The following NLGN1 variants were observed in gnomAD, a reference collection of about 807,000 sequenced individuals.
The protein encoded by NLGN1 is neuroligin-1.
NLGN1 carries 12 observed loss-of-function variants against 65.5 expected under a neutral mutation model. That is an observed-to-expected ratio of 0.18 (90% CI 0.12 to 0.30). NLGN1 has a LOEUF of 0.30. Ranked by LOEUF, NLGN1 falls within the 10% of genes least tolerant of loss-of-function variation. The probability of loss-of-function intolerance (pLI) is 1.00; values close to 1 mark genes in which losing one functional copy is unlikely to be tolerated. For synonymous variants in NLGN1, 350 were observed against 359.5 expected (o/e 0.97, Z 0.30); for missense variants, 750 against 1,007.1 (o/e 0.74, Z 3.46).
intron 2 of NLGN1, among the ~76,000 whole-genome samples, chr3:173,556,158 G>A (rs967213361): frequency 1.3e-5 from 2 of 151,944 alleles, no homozygotes; most frequent in East Asian, 1.9e-4. Context: ...TTTCATTCAT[G>A]ACATGCCTAA....
rs771130143 is a variant in NLGN1, at chr3:174,279,061, A to G, written c.1060A>G (p.Ile354Val). The change falls in exon 6 of 7, where the codon ATA becomes GTA. Residue 354 changes from isoleucine to valine, a missense_variant. Ile to Val is a conservative substitution (Grantham distance 29). Transcript: ENST00000457714. This position sits in a 1 kb window ranked among gnomAD's most constrained non-coding sequence, Gnocchi z 4.7. ...AGATATTCAACCAGCTCGATACCAC[A>G]TAGCCTTTGGACCTGTGATTGATGG... 12 of 1,612,884 alleles carry G rather than the reference A, an allele frequency of 7.4e-6. No homozygotes were observed. Among genetic ancestry groups the G allele is most frequent in the African/African-American group, 4.0e-5 (3 of 74,824 alleles).
intron 1 of NLGN1, among the ~76,000 whole-genome samples, chr3:173,418,047 TTATG>T (rs1419897834): frequency 2.6e-5 from 4 of 151,392 alleles, no homozygotes; most frequent in Non-Finnish European, 4.4e-5. Flanking sequence ...TTTTATTTGT[TTATG>T]TGTGTGTGCA....
At chr3:173,610,662 AT>A (rs1347956456) in intron 3 of NLGN1, among the ~76,000 whole-genome samples, 1 of 151,766 alleles carries the variant, frequency 6.6e-6, no homozygotes. Flanking sequence ...GTAAACCAAG[AT>A]TTTTTTTGTT....
chr3:173,400,278 G>A (rs1553837792), intron 1 of NLGN1, among the ~76,000 whole-genome samples: 1 of 152,022 alleles, frequency 6.6e-6, no homozygotes, highest in Non-Finnish European at 1.5e-5. Context: ...CTGAAATATA[G>A]GTATGATCTT....
At chr3:173,810,403 A>AC (rs2150467408) in intron 4 of NLGN1, among the ~76,000 whole-genome samples, 1 of 152,300 alleles carries the variant, frequency 6.6e-6, no homozygotes, top group Admixed American at 6.5e-5. Flanking sequence ...TTAAGTAGGA[A>AC]ATAAGATATG....
intron 4 of NLGN1, among the ~76,000 whole-genome samples, chr3:174,017,230 A>T (rs1726761640): frequency 6.6e-6 from 1 of 151,734 alleles, no homozygotes; most frequent in Non-Finnish European, 1.5e-5. Context: ...TTGTTTATTC[A>T]CTCTTCTTTT....
chr3:174,035,639 C>A (rs770749064), intron 4 of NLGN1, among the ~76,000 whole-genome samples: 22 of 152,182 alleles, frequency 1.4e-4, no homozygotes, highest in Non-Finnish European at 3.2e-4. Flanking sequence ...GAAGCTCCTG[C>A]CTTGGTGTCC....
chr3:174,113,934 G>A (rs149490349), intron 4 of NLGN1, among the ~76,000 whole-genome samples: 2 of 152,068 alleles, frequency 1.3e-5, no homozygotes, highest in Admixed American at 1.3e-4. Flanking sequence ...AATCAGGATT[G>A]ATAACAGTAG....
intron 1 of NLGN1, among the ~76,000 whole-genome samples, chr3:173,434,121 G>A (rs73883145): frequency 0.029 from 4,386 of 152,170 alleles, 208 homozygotes; most frequent in African/African-American, 0.1. Flanking sequence ...GAAAGTGGGG[G>A]TCAGGAGAGG....
chr3:173,403,533 G>T (rs1023654565), intron 1 of NLGN1, among the ~76,000 whole-genome samples: 1 of 152,084 alleles, frequency 6.6e-6, no homozygotes, highest in African/African-American at 2.4e-5. Flanking sequence ...TACTTGAGGG[G>T]CTCAAGGGAG....
rs567780480 is a variant in NLGN1, at chr3:173,458,114, C to T, written c.-321+23036C>T. ...ATGGAAAGTAGAAGAGGAGTAAGGA[C>T]TGAGGCCCCAGGTCTGCCTCAGTGT... On this transcript the variant is annotated intron_variant, in intron 2 of 6. Transcript: ENST00000457714. Among the ~76,000 whole-genome samples the T allele has an allele frequency of 7.9e-5, 12 of 152,074 alleles. No homozygotes were observed. In the East Asian group the frequency reaches 2.3e-3, roughly 29 times the overall value.
intron 4 of NLGN1, among the ~76,000 whole-genome samples, chr3:173,979,399 T>C (rs1303639574): frequency 6.6e-6 from 1 of 152,100 alleles, no homozygotes; most frequent in Non-Finnish European, 1.5e-5. Context: ...TGGGAAAGAA[T>C]GAAATTTAGA....
In NLGN1 at chr3:174,273,577, A is replaced by G. The variant is rs568662948; in HGVS notation, c.647-1738A>G. 1.3e-4 allele frequency among the ~76,000 whole-genome samples: 19 copies of G among 149,124 alleles called. No individual in the cohort carries two copies. The South Asian group carries it at 3.6e-3, about 29-fold the overall frequency. ...ATATTGAGTATTTGCAAATACTTCT[A>G]TCTAAGAAGATACCATAAAAATTTC... is the stretch of plus-strand genomic sequence containing the variant. On this transcript the variant is annotated intron_variant, in intron 4 of 6. Transcript: ENST00000457714.
At chr3:174,116,337 T>TC (rs1561079330) in intron 4 of NLGN1, among the ~76,000 whole-genome samples, 1 of 135,218 alleles carries the variant, frequency 7.4e-6, no homozygotes, top group African/African-American at 2.8e-5. Flanking sequence ...TTTCTTTTTT[T>TC]TTTTTTTTTT....
rs1053605067 is a variant in NLGN1, at chr3:173,478,026, C to T, written c.-321+42948C>T. ...CTCAAAGATATAGAACCAGAAATAC[C>T]ATTTGACCAAGCAATCCCATTAAAG... On this transcript the variant is annotated intron_variant, in intron 2 of 6. Transcript: ENST00000457714. Among the ~76,000 whole-genome samples the T allele has an allele frequency of 4.5e-4, 69 of 152,126 alleles. 3 individuals are homozygous for T. Among genetic ancestry groups the T allele is most frequent in the Admixed American group, 3.9e-4 (6 of 15,252 alleles).
At chr3:173,425,220 G>A (rs977613446) in intron 1 of NLGN1, among the ~76,000 whole-genome samples, 17 of 152,096 alleles carry the variant, frequency 1.1e-4, no homozygotes, top group African/African-American at 4.1e-4. Context: ...CTACCAGCAG[G>A]TCCCTCCTTC....
At chr3:174,163,536 G>A (rs977201997) in intron 4 of NLGN1, among the ~76,000 whole-genome samples, 5 of 151,800 alleles carry the variant, frequency 3.3e-5, no homozygotes, top group South Asian at 2.1e-4. Flanking sequence ...CCATCACCCC[G>A]GTACTGAGCA....
intron 4 of NLGN1, among the ~76,000 whole-genome samples, chr3:174,127,190 C>T (rs1296096295): frequency 2.6e-5 from 4 of 152,096 alleles, no homozygotes; most frequent in African/African-American, 9.7e-5. Context: ...GAAATCTTAT[C>T]TAAACAGTTT....
intron 4 of NLGN1, among the ~76,000 whole-genome samples, chr3:174,028,869 T>C (rs1291188576): frequency 6.6e-6 from 1 of 152,150 alleles, no homozygotes; most frequent in Non-Finnish European, 1.5e-5. Flanking sequence ...TAAATGGTTT[T>C]GTGGGCCAGG....
Sources: allele counts gnomAD v4.1 joint callset (sites outside exome capture counted in the v4.1 genomes callset), GRCh38; gene constraint gnomAD v4.1.1; non-coding constraint Gnocchi (gnomAD v3.1); transcripts MANE v1.5; gene names NCBI Gene and HGNC (gene_info 2026-07-23, HGNC 2026-07-21).